GALK2: variants seen among roughly 807,000 people sequenced by gnomAD.
The protein encoded by GALK2 is N-acetylgalactosamine kinase.
GALK2 carries 36 observed loss-of-function variants against 52.4 expected under a neutral mutation model. The observed-to-expected ratio is 0.69, with a 90% CI of 0.53 to 0.91. The LOEUF is 0.91. Ranked by LOEUF, GALK2 falls within the 40% of genes least tolerant of loss-of-function variation. The pLI, the probability that GALK2 is intolerant of heterozygous loss-of-function variation, is 0.00. For synonymous variants in GALK2, 176 were observed against 199.1 expected, an observed-to-expected ratio of 0.88 and a Z score of 0.98; for missense variants, 579 against 559.1, an observed-to-expected ratio of 1.04 and a Z score of -0.36.
intron 3 of GALK2, among the ~76,000 whole-genome samples, chr15:49,360,673 A>G (rs546790802): frequency 1.3e-5 from 2 of 152,272 alleles, no homozygotes; most frequent in East Asian, 3.9e-4. Context: ...CCTAGACATC[A>G]AAGTTTTTCT....
intron 1 of GALK2, chr15:49,170,710 A>G (rs1367571629): frequency 7.8e-6 from 2 of 255,720 alleles, no homozygotes; most frequent in African/African-American, 2.2e-5. Flanking sequence ...CTCGCATGCC[A>G]GTTGATACTG....
chr15:49,323,404 C>A (rs1025486799), intron 9 of GALK2, among the ~76,000 whole-genome samples: 2 of 152,106 alleles, frequency 1.3e-5, no homozygotes, highest in Non-Finnish European at 2.9e-5. Flanking sequence ...TTGTTTTCCC[C>A]AAAAGAGGGA....
At chr15:49,352,166 T>C (rs2042350099) in intron 3 of GALK2, among the ~76,000 whole-genome samples, 1 of 152,182 alleles carries the variant, frequency 6.6e-6, no homozygotes, top group Admixed American at 6.5e-5. Flanking sequence ...GTTACTCATA[T>C]AGCAGCTAGT....
At chr15:49,268,832 G>A (rs2141677811) in intron 5 of GALK2, among the ~76,000 whole-genome samples, 1 of 152,150 alleles carries the variant, frequency 6.6e-6, no homozygotes, top group South Asian at 2.1e-4. Context: ...CCTGGTCTAG[G>A]TTAGTTTTTG....
intron 3 of GALK2, among the ~76,000 whole-genome samples, chr15:49,233,527 C>T (rs77615865): frequency 4.9e-4 from 75 of 152,278 alleles, no homozygotes; most frequent in African/African-American, 1.7e-3. Flanking sequence ...CTGCCTACCC[C>T]CTCTGTTCAT....
Position 49,328,979 on chromosome 15 carries a change from C to CT in GALK2, c.*820_*821insT. 9.6e-7 allele frequency: 1 copy of CT among 1,043,374 alleles called. No individual in the cohort carries two copies. The highest frequency in any genetic ancestry group is 1.2e-6 in the Non-Finnish European group (1 of 861,836). The allele number at this position is 1,043,374 out of a possible 1,614,324, so 64.6% of individuals were successfully genotyped here. On this transcript the variant is annotated 3_prime_UTR_variant, in exon 10 of 10. Transcript: ENST00000560031. Reference sequence around the variant, plus strand: ...ATAAAGAATTATCTAGATGATAATTCAGATAATTCAGTTTGTTCATAGAAT... The same window carrying CT: ...ATAAAGAATTATCTAGATGATAATTCTAGATAATTCAGTTTGTTCATAGAAT...
intron 3 of GALK2, among the ~76,000 whole-genome samples, chr15:49,229,498 G>A (rs1293264424): frequency 6.6e-6 from 1 of 152,236 alleles, no homozygotes; most frequent in East Asian, 1.9e-4. Context: ...GAAGCTAGCT[G>A]TGGTAGTAGT....
chr15:49,192,485 G>GTATATATATGTATGTA (rs1555400548), intron 1 of GALK2, among the ~76,000 whole-genome samples: 14 of 102,972 alleles, frequency 1.4e-4, no homozygotes, highest in Admixed American at 1.2e-3. Flanking sequence ...ATATATATAT[G>GTATATATATGTATGTA]TATATATATA....
chr15:49,239,345 T>G lies in GALK2; in HGVS notation c.482T>G (p.Val161Gly), dbSNP rs766251479. ...VCCAGLVTLT[V>G]LGRNLSKVEL... Reference sequence around the variant, plus strand: ...TGTGCTGGCTTGGTGACGCTCACAGTGCTGGGAAGGAATCTATCCAAGGTA... The same window carrying G: ...TGTGCTGGCTTGGTGACGCTCACAGGGCTGGGAAGGAATCTATCCAAGGTA... The change falls in exon 5 of 10, where the codon GTG (valine) becomes GGG (glycine). Residue 161 changes from valine to glycine, a missense_variant. Physicochemically the swap from Val to Gly is moderately radical, Grantham distance 109. Transcript: ENST00000560031. The G allele has an allele frequency of 1.2e-6, 2 of 1,614,122 alleles. No homozygotes were observed. The highest frequency in any genetic ancestry group is 1.7e-6 in the Non-Finnish European group (2 of 1,179,994).
chr15:49,304,631 G>A (rs1293280447), intron 8 of GALK2, among the ~76,000 whole-genome samples: 1 of 152,212 alleles, frequency 6.6e-6, no homozygotes. Flanking sequence ...GTCTTAATAT[G>A]TGTGAGGATA....
At chr15:49,211,952 C>T (rs2088937529) in intron 2 of GALK2, among the ~76,000 whole-genome samples, 1 of 152,040 alleles carries the variant, frequency 6.6e-6, no homozygotes, top group Non-Finnish European at 1.5e-5. Context: ...AGGCATTGAT[C>T]CCTTTCTTCT....
intron 3 of GALK2, among the ~76,000 whole-genome samples, chr15:49,227,434 A>G (rs2090197431): frequency 6.6e-6 from 1 of 152,024 alleles, no homozygotes; most frequent in Admixed American, 6.6e-5. Flanking sequence ...TATCTGATAT[A>G]AGCATGGCTA....
chr15:49,308,190 A>G (rs879144420), intron 8 of GALK2, among the ~76,000 whole-genome samples: 1 of 152,200 alleles, frequency 6.6e-6, no homozygotes, highest in African/African-American at 2.4e-5. Context: ...GCAAAGGGAA[A>G]CAGAGGACTC....
intron 1 of GALK2, chr15:49,156,654 A>T (rs2084465568): frequency 5.8e-6 from 3 of 519,246 alleles, no homozygotes. Context: ...AGCATTCCCA[A>T]AGGCAAAATT....
At chr15:49,175,391 G>A (rs1291224945) in intron 1 of GALK2, among the ~76,000 whole-genome samples, 1 of 152,062 alleles carries the variant, frequency 6.6e-6, no homozygotes, top group Non-Finnish European at 1.5e-5. Flanking sequence ...GCAAGAGAGT[G>A]GTTTTACTTG....
chr15:49,208,244 G>T lies in GALK2; in HGVS notation c.142+6994G>T, dbSNP rs1194015759. Reference sequence around the variant, plus strand: ...TTTAGTTTGTTGAGGTGTGACCTTAGATTGTCTGTTTGTGCTCTTTCAGAC... The same window carrying T: ...TTTAGTTTGTTGAGGTGTGACCTTATATTGTCTGTTTGTGCTCTTTCAGAC... On this transcript the variant is annotated intron_variant, in intron 2 of 9. Coordinates refer to ENST00000560031, the MANE Select transcript of GALK2 (RefSeq NM_002044.4). Among the ~76,000 whole-genome samples, 10 of 152,278 alleles carry T rather than the reference G, an allele frequency of 6.6e-5. No individual in the cohort carries two copies. The East Asian group carries it at 1.7e-3, about 27-fold the overall frequency.
intron 8 of GALK2, among the ~76,000 whole-genome samples, chr15:49,308,634 A>T (rs1330375658): frequency 1.3e-5 from 2 of 152,202 alleles, no homozygotes; most frequent in Non-Finnish European, 2.9e-5. Flanking sequence ...TACGTGGAGA[A>T]ACTCGCTGCA....
intron 3 of GALK2, among the ~76,000 whole-genome samples, chr15:49,229,031 A>G (rs1183547289): frequency 1.3e-5 from 2 of 151,806 alleles, no homozygotes; most frequent in Admixed American, 6.6e-5. Flanking sequence ...TTTGAATTCT[A>G]TTTCTGGAAT....
intron 5 of GALK2, among the ~76,000 whole-genome samples, chr15:49,277,663 G>T (rs2032042533): frequency 6.7e-6 from 1 of 150,264 alleles, no homozygotes; most frequent in Admixed American, 6.6e-5. Flanking sequence ...GGGCGTGTTG[G>T]CGGGCGCCTG....
Sources: gnomAD v4.1 joint callset for allele counts (sites outside exome capture counted in the v4.1 genomes callset) on GRCh38, gnomAD v4.1.1 for gene constraint, MANE v1.5 for transcripts, NCBI Gene and HGNC (gene_info 2026-07-23, HGNC 2026-07-21) for gene names.